Variants in VPS8 observed in about 807,000 individuals in gnomAD.
VPS8 encodes VPS8 subunit of CORVET complex.
A neutral mutation model predicts 216.4 loss-of-function variants in VPS8; 129 were observed. That is an observed-to-expected ratio of 0.60 (90% CI 0.52 to 0.69). VPS8 has a LOEUF of 0.69. VPS8 is among the 30% of genes least tolerant of loss of function. The probability of loss-of-function intolerance (pLI) is 0.00; values close to 1 mark genes in which losing one functional copy is unlikely to be tolerated. For missense variants in VPS8, 1,531 were observed against 1,683.5 expected, an observed-to-expected ratio of 0.91 and a Z score of 1.59; for synonymous variants, 571 against 565.4, an observed-to-expected ratio of 1.01 and a Z score of -0.14.
intron 21 of VPS8, chr3:184,885,839 CCTCTGT>C (rs544673465): frequency 1.7e-5 from 5 of 301,946 alleles, no homozygotes; most frequent in Non-Finnish European, 2.4e-5. Flanking sequence ...TCTTCTGCTC[CCTCTGT>C]TAGAAAGATG....
At chr3:184,964,696 T>A in intron 38 of VPS8, 139 bp downstream of exon 38, 1 of 440,068 alleles carries the variant, frequency 2.3e-6, no homozygotes, top group South Asian at 7.1e-5. Flanking sequence ...TGCATAGCAT[T>A]AACTAGAGTT....
intron 44 of VPS8, among the ~76,000 whole-genome samples, chr3:184,998,592 A>G (rs1265842634): frequency 6.6e-6 from 1 of 151,024 alleles, no homozygotes; most frequent in East Asian, 1.9e-4. Context: ...TAAAGACTAT[A>G]GAAAAGAAAA....
intron 25 of VPS8, 181 bp downstream of exon 25, chr3:184,901,153 C>T (rs999620389): frequency 3.3e-6 from 2 of 597,994 alleles, no homozygotes; most frequent in Non-Finnish European, 5.9e-6. Flanking sequence ...AAGTTTCCTC[C>T]TTCCCCTTTG....
At chr3:184,871,205 A>ATG (rs1728282010) in intron 21 of VPS8, among the ~76,000 whole-genome samples, 1 of 89,642 alleles carries the variant, frequency 1.1e-5, no homozygotes. Flanking sequence ...TCAATCACAA[A>ATG]TATATATATA....
chr3:184,968,431 T>G (rs1043904241), intron 39 of VPS8, among the ~76,000 whole-genome samples: 8 of 152,364 alleles, frequency 5.3e-5, no homozygotes, highest in Middle Eastern at 3.4e-3. Context: ...GCATTAATTC[T>G]GTTAATTTTT....
Position 185,052,165 on chromosome 3 carries a change from G to A in VPS8, c.*140G>A, listed in dbSNP as rs970282675. ...TCCAAATTGGGCTTCTGTGCCCAGA[G>A]CGTCCACAGCACCATTCCCAGTGTA... On this transcript the variant is annotated 3_prime_UTR_variant, in exon 48 of 48. Transcript: ENST00000625842. The A allele has an allele frequency of 1.4e-5, 12 of 862,818 alleles. No individual in the cohort carries two copies. In the Admixed American group the frequency reaches 1.6e-4, roughly 11 times the overall value. 53.4% of individuals were successfully genotyped at this position (862,818 alleles called of 1,614,324 possible). A position where few individuals can be genotyped will look rare whatever the true frequency, so the allele number is the denominator to read the frequency against.
intron 11 of VPS8, 45 bp downstream of exon 11, chr3:184,852,612 C>G (rs1280819323): frequency 3.2e-6 from 5 of 1,565,290 alleles, no homozygotes; most frequent in Non-Finnish European, 4.4e-6. Flanking sequence ...AAGACTAGCT[C>G]TGTTTTAATG....
In VPS8 at chr3:184,888,740, A is replaced by C. The variant is rs1731776581; in HGVS notation, c.1781+2584A>C. Among the ~76,000 whole-genome samples the C allele has an allele frequency of 2.6e-5, 4 of 152,324 alleles. No individual in the cohort carries two copies. In the South Asian group the frequency reaches 8.3e-4, roughly 32 times the overall value. On this transcript the variant is annotated intron_variant, in intron 22 of 47. Coordinates refer to ENST00000625842, the MANE Select transcript of VPS8 (RefSeq NM_001009921.3). ...CAAATTGAGATAATTTATAAATGAG[A>C]TGAAGTGAAGTGCCTGAAGGACTAA...
chr3:184,939,803 A>G (rs535432086), intron 35 of VPS8, among the ~76,000 whole-genome samples: 7 of 152,194 alleles, frequency 4.6e-5, no homozygotes, highest in African/African-American at 1.7e-4. Context: ...ACAGCAACCC[A>G]TTGCCACAGG....
At chr3:184,969,425 C>G (rs1389515017) in intron 39 of VPS8, among the ~76,000 whole-genome samples, 4 of 102,574 alleles carry the variant, frequency 3.9e-5, no homozygotes, top group South Asian at 4.5e-4. Flanking sequence ...CCCACCCCCC[C>G]CCCTTTTTTT....
intron 36 of VPS8, among the ~76,000 whole-genome samples, chr3:184,953,245 T>C (rs1257818349): frequency 6.6e-6 from 1 of 152,148 alleles, no homozygotes; most frequent in Non-Finnish European, 1.5e-5. Flanking sequence ...CCTGATGGCT[T>C]ACAGGAAGAG....
At chr3:184,824,395 C>G in intron 1 of VPS8, 150 bp from the exon 2 acceptor site, 1 of 486,950 alleles carries the variant, frequency 2.1e-6, no homozygotes, top group East Asian at 3.5e-5. Flanking sequence ...TAATAACATA[C>G]CCTGTACCCC....
intron 46 of VPS8, among the ~76,000 whole-genome samples, chr3:185,047,896 G>A (rs1713292189): frequency 6.6e-6 from 1 of 152,142 alleles, no homozygotes; most frequent in Admixed American, 6.5e-5. Context: ...GCTGGATCAG[G>A]TCCACTGAGA....
intron 5 of VPS8, chr3:184,836,173 A>G (rs920439988): frequency 2.9e-5 from 13 of 441,592 alleles, no homozygotes; most frequent in African/African-American, 2.6e-4. Flanking sequence ...TAGCTCATAT[A>G]TCATGAAGTG....
At chr3:184,906,265 T>A (rs541388912) in intron 25 of VPS8, among the ~76,000 whole-genome samples, 92 of 152,336 alleles carry the variant, frequency 6.0e-4, no homozygotes, top group African/African-American at 1.8e-3. Flanking sequence ...TTCTACTTTT[T>A]TTTGTGGTCA....
rs773850484 is a variant in VPS8 at position 184,915,025 on chromosome 3, A to C, written c.2234A>C (p.Glu745Ala). The C allele has an allele frequency of 1.2e-6, 2 of 1,613,974 alleles. No individual in the cohort carries two copies. Among genetic ancestry groups the C allele is most frequent in the Non-Finnish European group, 1.7e-6 (2 of 1,179,866 alleles). ...GCCTATCCCCTTGGTGACATCCCTG[A>C]AGATCTGGTTCCCTTGGTTAAAAAC... ...GRAYPLGDIP[E>A]DLVPLVKNQV... is the part of the protein sequence containing the mutation. Residue 745 changes from glutamate to alanine, a missense_variant, in exon 27 of 48, where the codon GAA (glutamate) becomes GCA (alanine). Physicochemically the swap from Glu to Ala is moderately radical, Grantham distance 107. Around this residue, in one of 3 missense-constraint regions of VPS8, gnomAD observed 1,318 missense variants for 1,468.4 expected, o/e 0.90. Coordinates refer to ENST00000625842, the MANE Select transcript of VPS8 (RefSeq NM_001009921.3).
rs1740495509 is a variant in VPS8 at position 184,930,561 on chromosome 3, A to G, written c.2891A>G (p.His964Arg). The G allele has an allele frequency of 1.9e-6, 3 of 1,611,892 alleles. No homozygotes were observed. The highest frequency in any genetic ancestry group is 1.7e-6 in the Non-Finnish European group (2 of 1,178,030). The change falls in exon 34 of 48, where the codon CAT (histidine) becomes CGT (arginine). Residue 964 changes from histidine to arginine, a missense_variant. Coordinates refer to ENST00000625842, the MANE Select transcript of VPS8 (RefSeq NM_001009921.3). Reference protein sequence around the residue: ...KQSVWQKAMDHIEELVSLKPC... With the variant: ...KQSVWQKAMDRIEELVSLKPC... Reference sequence around the variant, plus strand: ...TCTGTATGGCAGAAAGCAATGGATCATATTGAGGTACTGATGCGCAAAACT... The same window carrying G: ...TCTGTATGGCAGAAAGCAATGGATCGTATTGAGGTACTGATGCGCAAAACT...
rs757302568 is a variant in VPS8 at position 184,926,588 on chromosome 3, G to T, written c.2575-6G>T. The T allele has an allele frequency of 1.9e-6, 3 of 1,592,808 alleles. No individual in the cohort carries two copies. Among genetic ancestry groups the T allele is most frequent in the Non-Finnish European group, 2.6e-6 (3 of 1,169,316 alleles). On this transcript the variant is annotated splice_polypyrimidine_tract_variant and splice_region_variant and intron_variant, in intron 30 of 47. Coordinates refer to ENST00000625842, the MANE Select transcript of VPS8 (RefSeq NM_001009921.3). ...ATCAAATAAAAAATACTTTTTCTTC[G>T]GCCAGGTCCTTGAATTCCTTTGTAG...
intron 1 of VPS8, among the ~76,000 whole-genome samples, chr3:184,819,416 G>C (rs532416864): frequency 4.5e-4 from 68 of 152,290 alleles, no homozygotes; most frequent in Non-Finnish European, 7.8e-4. Flanking sequence ...CATGATGGTT[G>C]GGTGAAGAAC....
Sources: gnomAD v4.1 joint callset for allele counts (sites outside exome capture counted in the v4.1 genomes callset) on GRCh38, gnomAD v4.1.1 for gene constraint, gnomAD v4.1.1 regional missense constraint, MANE v1.5 for transcripts, NCBI Gene and HGNC (gene_info 2026-07-23, HGNC 2026-07-21) for gene names.